Variants in PHKB observed in about 807,000 individuals in gnomAD.
PHKB encodes phosphorylase kinase regulatory subunit beta, also known as phosphorylase b kinase regulatory subunit beta.
Under a neutral mutation model 152.1 loss-of-function variants are expected in PHKB, and 122 were observed. The observed-to-expected ratio is 0.80, with a 90% confidence interval of 0.69 to 0.93. The LOEUF is 0.93. PHKB is among the 40% of genes least tolerant of loss of function. PHKB has a pLI of 0.00. For synonymous variants in PHKB, 436 were observed against 464.9 expected, an observed-to-expected ratio of 0.94 and a Z score of 0.80; for missense variants, 1,304 against 1,328.4, an observed-to-expected ratio of 0.98 and a Z score of 0.29.
chr16:47,670,301 G>A (rs575657300), intron 26 of PHKB, among the ~76,000 whole-genome samples: 1 of 152,194 alleles, frequency 6.6e-6, no homozygotes, highest in South Asian at 2.1e-4. Context: ...TCTCTGTTGG[G>A]TGCAAACATA....
intron 28 of PHKB, among the ~76,000 whole-genome samples, chr16:47,695,087 A>C (rs1008827427): frequency 6.6e-6 from 1 of 152,174 alleles, no homozygotes; most frequent in Non-Finnish European, 1.5e-5. Flanking sequence ...TGATTTCCTC[A>C]AGGTCACACA....
At chr16:47,674,844 G>A (rs980839524) in intron 26 of PHKB, among the ~76,000 whole-genome samples, 2 of 152,284 alleles carry the variant, frequency 1.3e-5, no homozygotes, top group South Asian at 2.1e-4. Flanking sequence ...GACAGTTGCC[G>A]TGTAACTCCT....
At position 47,548,706 on chromosome 16, in the gene PHKB, A is replaced by G. The variant is rs913031142; in HGVS notation, c.710+1158A>G. Among the ~76,000 whole-genome samples the G allele has an allele frequency of 2.6e-5, 4 of 152,166 alleles. No homozygotes were observed. The East Asian group carries it at 7.7e-4, about 29-fold the overall frequency. On this transcript the variant is annotated intron_variant, in intron 7 of 30. Coordinates refer to ENST00000323584, the MANE Select transcript of PHKB (RefSeq NM_000293.3). ...GACTAATCACACACACAAAAATAAG[A>G]TGACATAAGATATTTAGTAAATCAA... is the stretch of plus-strand genomic sequence containing the variant.
Position 47,660,839 on chromosome 16 carries a change from C to T in PHKB, c.2196+20C>T. The T allele has an allele frequency of 3.1e-6, 5 of 1,613,072 alleles. No individual in the cohort carries two copies. The highest frequency in any genetic ancestry group is 4.2e-6 in the Non-Finnish European group (5 of 1,179,152). On this transcript the variant is annotated intron_variant, in intron 22 of 30. Coordinates refer to ENST00000323584, the MANE Select transcript of PHKB (RefSeq NM_000293.3). ...CTGAATGTGAGACAGATGCACTTCCCACATGGCCCTAAGTGAGGTTGCTGG... is the reference window on the plus strand; with the variant it reads ...CTGAATGTGAGACAGATGCACTTCCTACATGGCCCTAAGTGAGGTTGCTGG...
At chr16:47,669,605 T>G (rs1973603095) in intron 26 of PHKB, among the ~76,000 whole-genome samples, 188 bp downstream of exon 26, 1 of 152,232 alleles carries the variant, frequency 6.6e-6, no homozygotes, top group Non-Finnish European at 1.5e-5. Context: ...GAAAGAATCC[T>G]TAACGTTTAT....
intron 6 of PHKB, among the ~76,000 whole-genome samples, chr16:47,517,392 A>G (rs1379535893): frequency 6.6e-6 from 1 of 151,682 alleles, no homozygotes; most frequent in East Asian, 1.9e-4. Context: ...AGTAGCTGGG[A>G]CTGCAGATGC....
rs143484631 is a variant in PHKB at position 47,654,957 on chromosome 16, AAAAT to A, written c.1971+4044_1971+4047del. On this transcript the variant is annotated intron_variant, in intron 20 of 30. Transcript: ENST00000323584. ...CCCCAAAAACTTAAAATATAATAAA[AAAAT>A]AAATAAAGAAAAGAAAAAAATTAGA... is the stretch of plus-strand genomic sequence containing the variant. Among the ~76,000 whole-genome samples the A allele has an allele frequency of 8.2e-3, 1,248 of 152,272 alleles. 16 individuals carry two copies. The highest frequency in any genetic ancestry group is 0.024 in the African/African-American group (1,000 of 41,572).
intron 1 of PHKB, chr16:47,463,940 T>C (rs1221259146): frequency 6.2e-7 from 1 of 1,614,174 alleles, no homozygotes. Context: ...CAATTTGAAA[T>C]GGCCTGCTCA....
chr16:47,501,212 C>A (rs1214988106), intron 3 of PHKB, among the ~76,000 whole-genome samples: 1 of 152,152 alleles, frequency 6.6e-6, no homozygotes, highest in Non-Finnish European at 1.5e-5. Flanking sequence ...TAACATCTTA[C>A]CAAGTTATCT....
At chr16:47,587,836 C>A in intron 9 of PHKB, 73 bp downstream of exon 9, 1 of 1,098,340 alleles carries the variant, frequency 9.1e-7, no homozygotes, top group Non-Finnish European at 1.4e-6. Context: ...ATCTTAATTT[C>A]CAGTAAAGTA....
At chr16:47,650,947 T>C (rs1417112645) in intron 20 of PHKB, 26 bp downstream of exon 20, 6 of 1,456,832 alleles carry the variant, frequency 4.1e-6, no homozygotes, top group Middle Eastern at 3.5e-4. Flanking sequence ...TCAGTATGCA[T>C]CTATTTTCAG....
rs149849818 is a variant in PHKB, at chr16:47,559,554, T to G, written c.710+12006T>G. 5.3e-5 allele frequency among the ~76,000 whole-genome samples: 8 copies of G among 152,304 alleles called. No individual in the cohort carries two copies. The East Asian group carries it at 1.5e-3, about 29-fold the overall frequency. Reference sequence around the variant, plus strand: ...TGGGGCTGGGCTTATCTTGAAGGCTTTGTCACTCAGGTATCTGAGTGTTGA... The same window carrying G: ...TGGGGCTGGGCTTATCTTGAAGGCTGTGTCACTCAGGTATCTGAGTGTTGA... On this transcript the variant is annotated intron_variant, in intron 7 of 30. Coordinates refer to ENST00000323584, the MANE Select transcript of PHKB (RefSeq NM_000293.3).
At chr16:47,589,223 G>T in intron 10 of PHKB, 121 bp downstream of exon 10, 2 of 664,908 alleles carry the variant, frequency 3.0e-6, no homozygotes, top group Non-Finnish European at 5.2e-6. Context: ...CCCTGGGCCA[G>T]TTAATTAATC....
intron 26 of PHKB, among the ~76,000 whole-genome samples, chr16:47,683,254 A>T (rs759057042): frequency 1.4e-4 from 21 of 152,290 alleles, no homozygotes; most frequent in Admixed American, 4.6e-4. Context: ...TCACATCTCC[A>T]GCTGTGTGCT....
At chr16:47,661,686 A>G (rs761029438) in intron 22 of PHKB, 33 bp from the exon 23 acceptor site, 1 of 1,471,982 alleles carries the variant, frequency 6.8e-7, no homozygotes, top group South Asian at 1.1e-5. Flanking sequence ...TACCCATTTC[A>G]TTCCAGTTCC....
At position 47,696,408 on chromosome 16, in the gene PHKB, T is replaced by C. The variant is rs111734407; in HGVS notation, c.2923T>C (p.Tyr975His). ...ACCAACCCTGTCAGATATGACCATGTATGAGATGAATTTCTCTCTCCTTGT... is the reference window on the plus strand; with the variant it reads ...ACCAACCCTGTCAGATATGACCATGCATGAGATGAATTTCTCTCTCCTTGT... Reference protein sequence around the residue: ...QQPTLSDMTMYEMNFSLLVED... With the variant: ...QQPTLSDMTMHEMNFSLLVED... The change falls in exon 29 of 31, where the codon TAT becomes CAT. Residue 975 changes from tyrosine to histidine, a missense_variant. By Grantham distance (83) the Tyr-to-His change is moderately conservative. Coordinates refer to ENST00000323584, the MANE Select transcript of PHKB (RefSeq NM_000293.3). 10 of 1,607,606 alleles carry C rather than the reference T, an allele frequency of 6.2e-6. No individual in the cohort carries two copies. Among genetic ancestry groups the C allele is most frequent in the Non-Finnish European group, 7.7e-6 (9 of 1,173,990 alleles).
At chr16:47,565,565 G>T in intron 7 of PHKB, 1 of 1,102,874 alleles carries the variant, frequency 9.1e-7, no homozygotes, top group Non-Finnish European at 1.4e-6. Context: ...TCCTTATTGA[G>T]TGTTTCATTT....
rs1012438926 is a variant in PHKB, at chr16:47,528,312, T to G, written c.594+12711T>G. Among the ~76,000 whole-genome samples the G allele has an allele frequency of 3.3e-5, 5 of 152,230 alleles. No homozygotes were observed. The East Asian group carries it at 9.6e-4, about 29-fold the overall frequency. On this transcript the variant is annotated intron_variant, in intron 6 of 30. Transcript: ENST00000323584. ...CACCTCCCTAGGAATGCATAATCAG[T>G]AGCCTTTGAAGAAAGTAAATCATTT... is the stretch of plus-strand genomic sequence containing the variant.
intron 20 of PHKB, among the ~76,000 whole-genome samples, chr16:47,654,570 A>T (rs1416478149): frequency 6.6e-6 from 1 of 152,276 alleles, no homozygotes; most frequent in East Asian, 1.9e-4. Context: ...CAACAATGAT[A>T]GACTGGATTA....
Sources: gnomAD v4.1 joint callset for allele counts (sites outside exome capture counted in the v4.1 genomes callset) on GRCh38, gnomAD v4.1.1 for gene constraint, MANE v1.5 for transcripts, NCBI Gene and HGNC (gene_info 2026-07-23, HGNC 2026-07-21) for gene names.